The following ARHGAP19 variants were observed in gnomAD, a reference collection of about 807,000 sequenced individuals.
ARHGAP19 encodes the protein rho GTPase-activating protein 19.
Under a neutral mutation model 60.9 loss-of-function variants are expected in ARHGAP19, and 48 were observed. That is an observed-to-expected ratio of 0.79 (90% CI 0.62 to 1.00). The LOEUF (loss-of-function observed/expected upper bound fraction) is 1.00, where lower values mean the gene tolerates loss of function less well. ARHGAP19 is among the 50% of genes least tolerant of loss of function. The probability of loss-of-function intolerance (pLI) is 0.00; values close to 1 mark genes in which losing one functional copy is unlikely to be tolerated. For synonymous variants in ARHGAP19, 209 were observed against 215.5 expected (o/e 0.97, Z 0.27); for missense variants, 562 against 597.2 (o/e 0.94, Z 0.61).
At chr10:97,255,470 G>A (rs1394022749) in intron 6 of ARHGAP19, among the ~76,000 whole-genome samples, 1 of 152,150 alleles carries the variant, frequency 6.6e-6, no homozygotes, top group African/African-American at 2.4e-5. Flanking sequence ...CCAGCTACTG[G>A]GGAGGCTGAG....
Position 97,244,557 on chromosome 10 carries a change from C to A in ARHGAP19, c.994-398G>T, listed in dbSNP as rs529603484. 2.6e-5 allele frequency among the ~76,000 whole-genome samples: 4 copies of A among 152,270 alleles called. 1 individual carries two copies. In the South Asian group the frequency reaches 8.3e-4, roughly 32 times the overall value. On this transcript the variant is annotated intron_variant, in intron 7 of 11. Transcript: ENST00000358531. ...CTGTAAGTTTAAAGTCATCTGGATA[C>A]TAAAGTGACAGACCCACCTGGGAGC...
At chr10:97,292,380 C>T (rs1406739231) in intron 1 of ARHGAP19, among the ~76,000 whole-genome samples, 192 bp downstream of exon 1, 1 of 152,194 alleles carries the variant, frequency 6.6e-6, no homozygotes, top group African/African-American at 2.4e-5. Flanking sequence ...CAGGACCGAG[C>T]GGGGGGTTTG....
intron 1 of ARHGAP19, among the ~76,000 whole-genome samples, chr10:97,268,730 T>A (rs898574201): frequency 6.6e-6 from 1 of 152,182 alleles, no homozygotes. Context: ...GCCCCCATGA[T>A]TCAATTACCT....
chr10:97,240,085 A>T (rs1340075914), intron 8 of ARHGAP19, among the ~76,000 whole-genome samples: 2 of 151,682 alleles, frequency 1.3e-5, no homozygotes, highest in African/African-American at 2.4e-5. Flanking sequence ...CCCAGTTTTT[A>T]TTTTAAAGTT....
intron 7 of ARHGAP19, among the ~76,000 whole-genome samples, 171 bp from the exon 8 acceptor site, chr10:97,244,330 TAG>T (rs1339026402): frequency 6.6e-6 from 1 of 152,080 alleles, no homozygotes; most frequent in Admixed American, 6.6e-5. Flanking sequence ...CCTATTAATA[TAG>T]GTTATATTAA....
intron 8 of ARHGAP19, among the ~76,000 whole-genome samples, chr10:97,239,302 G>A (rs1221299819): frequency 6.6e-6 from 1 of 152,088 alleles, no homozygotes; most frequent in African/African-American, 2.4e-5. Flanking sequence ...AGACCATCCT[G>A]GCCAACATGG....
chr10:97,269,557 C>CT (rs1842937600), intron 1 of ARHGAP19, among the ~76,000 whole-genome samples: 1 of 152,270 alleles, frequency 6.6e-6, no homozygotes, highest in South Asian at 2.1e-4. Flanking sequence ...ACAAGAGCCT[C>CT]TTTTTTTAAC....
intron 6 of ARHGAP19, among the ~76,000 whole-genome samples, chr10:97,249,586 A>G (rs1255818362): frequency 6.6e-6 from 1 of 152,154 alleles, no homozygotes; most frequent in Non-Finnish European, 1.5e-5. Flanking sequence ...AGTTAACTTG[A>G]TGCTTCAATA....
At chr10:97,242,411 G>A (rs1354968581) in intron 8 of ARHGAP19, among the ~76,000 whole-genome samples, 4 of 120,634 alleles carry the variant, frequency 3.3e-5, no homozygotes, top group African/African-American at 6.4e-5. Context: ...TCAGCTCACC[G>A]CAACCTCCAC....
intron 6 of ARHGAP19, among the ~76,000 whole-genome samples, chr10:97,250,866 C>T (rs988622718): frequency 9.2e-5 from 14 of 151,824 alleles, no homozygotes; most frequent in Non-Finnish European, 1.5e-5. Context: ...AGGAGTTCAA[C>T]ACCAGCCTGG....
At position 97,256,848 on chromosome 10, in the gene ARHGAP19, G is replaced by A. The variant is rs1022135379; in HGVS notation, c.841-444C>T. ...TAAAAACACAGTAAAATTACCGGGCGTGGTGGCTCATGCCTGTAATCCCAG... is the reference window on the plus strand; with the variant it reads ...TAAAAACACAGTAAAATTACCGGGCATGGTGGCTCATGCCTGTAATCCCAG... On this transcript the variant is annotated intron_variant, in intron 5 of 11. Coordinates refer to ENST00000358531, the MANE Select transcript of ARHGAP19 (RefSeq NM_032900.6). Among the ~76,000 whole-genome samples, 10 of 152,184 alleles carry A rather than the reference G, an allele frequency of 6.6e-5. 1 individual carries two copies. The highest frequency in any genetic ancestry group is 1.0e-4 in the Non-Finnish European group (7 of 68,042).
intron 9 of ARHGAP19, among the ~76,000 whole-genome samples, chr10:97,232,004 T>C (rs375607432): frequency 8.1e-5 from 12 of 147,336 alleles, no homozygotes; most frequent in Admixed American, 6.8e-4. Flanking sequence ...TTTTTAATAA[T>C]AGTCATCCTA....
intron 1 of ARHGAP19, among the ~76,000 whole-genome samples, chr10:97,273,211 G>A (rs1253387): frequency 0.33 from 50,103 of 151,474 alleles, 8,617 homozygotes; most frequent in African/African-American, 0.41. Context: ...TTTCCAGGCC[G>A]GAGTGCAATG....
At position 97,244,179 on chromosome 10, in the gene ARHGAP19, A is replaced by G; in HGVS notation, c.994-20T>C. The G allele has an allele frequency of 6.4e-7, 1 of 1,565,610 alleles. No homozygotes were observed. Among genetic ancestry groups the G allele is most frequent in the Admixed American group, 2.0e-5 (1 of 49,302 alleles). On this transcript the variant is annotated intron_variant, in intron 7 of 11. Transcript: ENST00000358531. Reference sequence around the variant, plus strand: ...GTCATCCTAAGGAAAATTTAAAAGAAGAGTAAATTAATATATCCTGCCAAC... The same window carrying G: ...GTCATCCTAAGGAAAATTTAAAAGAGGAGTAAATTAATATATCCTGCCAAC...
At position 97,244,072 on chromosome 10, in the gene ARHGAP19, G is replaced by T. The variant is rs1038110732; in HGVS notation, c.1081C>A (p.His361Asn). ...GTATGGTGCTGGGTCTCCTCCTGGT[G>T]AGGGCAGGAATCTACCCGGTTCCGT... is the stretch of plus-strand genomic sequence containing the variant. The part of the protein sequence containing the change: ...QKRNRVDSCP[H>N]QEETQHHTEE... Residue 361 changes from histidine to asparagine, a missense_variant, in exon 8 of 12, where the codon CAC (histidine) becomes AAC (asparagine). By Grantham distance (68) the His-to-Asn change is moderately conservative. Transcript: ENST00000358531. 1 of 1,613,916 alleles carries T rather than the reference G, an allele frequency of 6.2e-7. No individual in the cohort carries two copies. The highest frequency in any genetic ancestry group is 1.7e-5 in the Admixed American group (1 of 59,978).
intron 1 of ARHGAP19, chr10:97,270,670 T>C: frequency 6.5e-7 from 1 of 1,544,768 alleles, no homozygotes; most frequent in African/African-American, 1.4e-5. Flanking sequence ...AGCTTTCCCC[T>C]TGTTTGTTGT....
At chr10:97,257,384 C>T (rs184496837) in intron 5 of ARHGAP19, among the ~76,000 whole-genome samples, 4 of 149,248 alleles carry the variant, frequency 2.7e-5, no homozygotes, top group African/African-American at 9.9e-5. Flanking sequence ...AACTCCTTGG[C>T]TCAAGCGATC....
chr10:97,253,495 TA>T (rs1842716421), intron 6 of ARHGAP19, among the ~76,000 whole-genome samples: 1 of 152,064 alleles, frequency 6.6e-6, no homozygotes, highest in East Asian at 1.9e-4. Context: ...GGATAGGTGT[TA>T]GGGGTGAGAG....
chr10:97,236,379 A>G (rs936046059), intron 8 of ARHGAP19, among the ~76,000 whole-genome samples: 9 of 152,124 alleles, frequency 5.9e-5, no homozygotes, highest in African/African-American at 2.2e-4. Context: ...TTTTACATAA[A>G]AGTACCAAGA....
Sources: allele counts gnomAD v4.1 joint callset (sites outside exome capture counted in the v4.1 genomes callset), GRCh38; gene constraint gnomAD v4.1.1; transcripts MANE v1.5; gene names NCBI Gene and HGNC (gene_info 2026-07-23, HGNC 2026-07-21).